The following SCN10A variants were observed in gnomAD, a reference collection of about 807,000 sequenced individuals.
The protein encoded by SCN10A is sodium channel protein type 10 subunit alpha.
In SCN10A, 162 loss-of-function variants were observed where a neutral mutation model predicts 170.7. That is an observed-to-expected ratio of 0.95 (90% CI 0.84 to 1.08). The LOEUF (loss-of-function observed/expected upper bound fraction) is 1.08. Ranked by LOEUF, SCN10A falls within the 50% of genes least tolerant of loss-of-function variation. SCN10A has a pLI of 0.00. For synonymous variants in SCN10A, 985 were observed against 904.6 expected (o/e 1.09, Z -1.59); for missense variants, 2,527 against 2,436.9 (o/e 1.04, Z -0.78).
intron 25 of SCN10A, among the ~76,000 whole-genome samples, chr3:38,708,390 T>C (rs936393229): frequency 6.6e-6 from 1 of 152,150 alleles, no homozygotes; most frequent in African/African-American, 2.4e-5. Context: ...AGTTTTCTCA[T>C]CTGTAAAATG....
rs757762973 is a variant in SCN10A at position 38,763,560 on chromosome 3, T to C, written c.636A>G (p.Ser212=). 3 of 1,614,008 alleles carry C rather than the reference T, an allele frequency of 1.9e-6. No individual in the cohort carries two copies. Among genetic ancestry groups the C allele is most frequent in the Non-Finnish European group, 2.5e-6 (3 of 1,179,974 alleles). Reference sequence around the variant, plus strand: ...TAAGAACTCTGAATGTCCGCAGGCCTGAGATCCCACGGAGATCTATTGCTG... The same window carrying C: ...TAAGAACTCTGAATGTCCGCAGGCCCGAGATCCCACGGAGATCTATTGCTG... ...VGTAIDLRGI[S]GLRTFRVLRA... Residue 212 remains serine (S), a synonymous_variant, in exon 6 of 28, where the codon TCA becomes TCG. Coordinates refer to ENST00000449082, the MANE Select transcript of SCN10A (RefSeq NM_006514.4).
chr3:38,736,962 CGTTTTTTT>C (rs1313057540), intron 15 of SCN10A, among the ~76,000 whole-genome samples: 3 of 69,254 alleles, frequency 4.3e-5, no homozygotes. Context: ...CAGAAATGTT[CGTTTTTTT>C]TTTTTTTTTT....
chr3:38,714,207 C>T, intron 21 of SCN10A, 127 bp from the exon 22 acceptor site: 1 of 1,140,504 alleles, frequency 8.8e-7, no homozygotes, highest in Non-Finnish European at 1.2e-6. Context: ...TAGCTCCCAC[C>T]TTATTCGGAA....
At chr3:38,786,400 T>A (rs771744938) in intron 4 of SCN10A, among the ~76,000 whole-genome samples, 1 of 152,096 alleles carries the variant, frequency 6.6e-6, no homozygotes, top group Admixed American at 6.6e-5. Context: ...ACACCGCATG[T>A]TCTCACTCAT....
At chr3:38,716,107 G>A (rs915985274) in intron 21 of SCN10A, among the ~76,000 whole-genome samples, 3 of 152,166 alleles carry the variant, frequency 2.0e-5, no homozygotes, top group Middle Eastern at 3.4e-3. Context: ...ATTTTTGCTC[G>A]CTGAGTAATT....
chr3:38,795,888 A>T (rs930503266), intron 1 of SCN10A, among the ~76,000 whole-genome samples: 4 of 152,210 alleles, frequency 2.6e-5, no homozygotes, highest in African/African-American at 7.2e-5. Context: ...TATATAAATA[A>T]GATACCAGAG....
chr3:38,707,760 C>A (rs1405947598), intron 25 of SCN10A, among the ~76,000 whole-genome samples: 4 of 152,202 alleles, frequency 2.6e-5, no homozygotes, highest in Non-Finnish European at 5.9e-5. Context: ...CACAGTCCCT[C>A]CCAGGGGGCA....
intron 20 of SCN10A, among the ~76,000 whole-genome samples, chr3:38,720,308 T>G (rs937913576): frequency 6.6e-6 from 1 of 152,254 alleles, no homozygotes; most frequent in Admixed American, 6.5e-5. Context: ...AATATGAGAC[T>G]ATTTACTGAG....
At chr3:38,769,943 A>G (rs2063979966) in intron 5 of SCN10A, among the ~76,000 whole-genome samples, 2 of 152,314 alleles carry the variant, frequency 1.3e-5, no homozygotes, top group South Asian at 4.2e-4. Context: ...GGATATCAGC[A>G]TCTGTTCTGG....
chr3:38,810,629 A>G (rs1559473966), intron 1 of SCN10A, among the ~76,000 whole-genome samples: 1 of 152,126 alleles, frequency 6.6e-6, no homozygotes, highest in Non-Finnish European at 1.5e-5. Flanking sequence ...AATTATATTT[A>G]TTTGTGTATT....
At chr3:38,811,542 G>T (rs544148037) in intron 1 of SCN10A, among the ~76,000 whole-genome samples, 4 of 151,758 alleles carry the variant, frequency 2.6e-5, no homozygotes, top group Non-Finnish European at 4.4e-5. Flanking sequence ...AACAAAGGAA[G>T]CAATAAATTA....
At chr3:38,729,032 G>C (rs2063488351) in intron 15 of SCN10A, 131 bp from the exon 16 acceptor site, 42 of 1,146,538 alleles carry the variant, frequency 3.7e-5, no homozygotes, top group Non-Finnish European at 4.9e-5. Context: ...GCGTTTTCTG[G>C]ACACTGCTTT....
intron 5 of SCN10A, among the ~76,000 whole-genome samples, chr3:38,767,120 C>T (rs957580459): frequency 1.1e-4 from 16 of 151,576 alleles, no homozygotes; most frequent in Non-Finnish European, 2.2e-4. Flanking sequence ...TGGATCTTCT[C>T]TCTTCTTTTC....
At chr3:38,716,204 A>C (rs2063332296) in intron 21 of SCN10A, among the ~76,000 whole-genome samples, 1 of 152,126 alleles carries the variant, frequency 6.6e-6, no homozygotes, top group African/African-American at 2.4e-5. Context: ...AATCATTTAT[A>C]TATATATATA....
At chr3:38,706,874 C>T (rs1488354436) in intron 26 of SCN10A, among the ~76,000 whole-genome samples, 3 of 152,048 alleles carry the variant, frequency 2.0e-5, no homozygotes, top group Admixed American at 6.6e-5. Flanking sequence ...TACCTGTAGG[C>T]GTGGGGTAGA....
chr3:38,754,216 C>T lies in SCN10A; in HGVS notation c.1461+1572G>A, dbSNP rs575698436. The stretch of plus-strand genomic sequence containing the variant: ...CTATTTATTGTTGATCCCAATTATG[C>T]CTTCCTCCAGGAAGCCTTTTCTGAT... On this transcript the variant is annotated intron_variant, in intron 11 of 27. Transcript: ENST00000449082. Among the ~76,000 whole-genome samples the T allele has an allele frequency of 1.3e-3, 199 of 152,304 alleles. 1 individual carries two copies. The highest frequency in any genetic ancestry group is 6.8e-3 in the Middle Eastern group (2 of 294).
chr3:38,747,578 G>A (rs150532132), intron 13 of SCN10A, among the ~76,000 whole-genome samples: 9 of 152,296 alleles, frequency 5.9e-5, no homozygotes, highest in African/African-American at 1.2e-4. Flanking sequence ...GAAGCTCCAA[G>A]GTCACACTGT....
At chr3:38,793,606 A>ATTT in intron 2 of SCN10A, 135 bp downstream of exon 2, 21 of 711,206 alleles carry the variant, frequency 3.0e-5, no homozygotes, top group Non-Finnish European at 4.0e-5. Flanking sequence ...ATATATATAT[A>ATTT]TTTTTTTTGG....
intron 9 of SCN10A, 57 bp downstream of exon 9, chr3:38,756,961 A>C: frequency 6.2e-7 from 1 of 1,605,564 alleles, no homozygotes; most frequent in Admixed American, 1.7e-5. Context: ...AAGCACAGCC[A>C]TGCAGCTGAC....
Sources: allele counts gnomAD v4.1 joint callset (sites outside exome capture counted in the v4.1 genomes callset), GRCh38; gene constraint gnomAD v4.1.1; transcripts MANE v1.5; gene names NCBI Gene and HGNC (gene_info 2026-07-23, HGNC 2026-07-21).